EIF3A: variants seen among roughly 807,000 people sequenced by gnomAD.
The protein encoded by EIF3A is eukaryotic translation initiation factor 3 subunit A.
A neutral mutation model predicts 186.6 loss-of-function variants in EIF3A; 21 were observed. The observed-to-expected ratio is 0.11, with a 90% CI of 0.08 to 0.16. The LOEUF (loss-of-function observed/expected upper bound fraction) is 0.16. Ranked by LOEUF, EIF3A falls within the 10% of genes least tolerant of loss-of-function variation. The pLI, the probability that EIF3A is intolerant of heterozygous loss-of-function variation, is 1.00. For missense variants in EIF3A, 1,306 were observed against 1,796.3 expected (o/e 0.73, Z 4.93); for synonymous variants, 563 against 584.3 (o/e 0.96, Z 0.52).
intron 6 of EIF3A, among the ~76,000 whole-genome samples, chr10:119,065,858 T>C (rs1485711768): frequency 6.6e-6 from 1 of 152,214 alleles, no homozygotes; most frequent in Non-Finnish European, 1.5e-5. Flanking sequence ...GGCTCACGCC[T>C]GTAATCCCAG....
At chr10:119,049,651 C>CTG in intron 17 of EIF3A, 150 bp downstream of exon 17, 1 of 660,648 alleles carries the variant, frequency 1.5e-6, no homozygotes, top group Non-Finnish European at 2.6e-6. Context: ...ACTCAGGAGG[C>CTG]TGAGACACGA....
chr10:119,077,158 A>G lies in EIF3A; in HGVS notation c.50-3221T>C, dbSNP rs77463034. On this transcript the variant is annotated intron_variant, in intron 1 of 21. Transcript: ENST00000369144. Reference sequence around the variant, plus strand: ...ACTGAAACCATTTTTCACTTCCTGAACAGCCAATTAGAAGTTGATTCCTTA... The same window carrying G: ...ACTGAAACCATTTTTCACTTCCTGAGCAGCCAATTAGAAGTTGATTCCTTA... Among the ~76,000 whole-genome samples the G allele has an allele frequency of 7.6e-3, 1,159 of 152,254 alleles. 21 individuals carry two copies. Among genetic ancestry groups the G allele is most frequent in the African/African-American group, 0.027 (1,119 of 41,556 alleles).
intron 6 of EIF3A, among the ~76,000 whole-genome samples, chr10:119,067,730 CT>C (rs1844003769): frequency 6.6e-6 from 1 of 152,126 alleles, no homozygotes; most frequent in Non-Finnish European, 1.5e-5. Context: ...AGACAATTTG[CT>C]TTACATAATT....
At chr10:119,076,129 G>A (rs936891000) in intron 1 of EIF3A, among the ~76,000 whole-genome samples, 3 of 149,350 alleles carry the variant, frequency 2.0e-5, no homozygotes, top group East Asian at 2.0e-4. Flanking sequence ...TCAGGAGATC[G>A]AGACCATCCT....
At chr10:119,049,452 C>T (rs1359565352) in intron 17 of EIF3A, among the ~76,000 whole-genome samples, 1 of 144,594 alleles carries the variant, frequency 6.9e-6, no homozygotes, top group Non-Finnish European at 1.5e-5. Context: ...AGAGATCACA[C>T]CACTGCACTC....
intron 1 of EIF3A, 116 bp from the exon 2 acceptor site, chr10:119,074,053 CATTT>C (rs2119820435): frequency 1.1e-6 from 1 of 881,404 alleles, no homozygotes; most frequent in East Asian, 2.8e-5. Context: ...TACCAAGTTA[CATTT>C]ATTTTTGACT....
intron 6 of EIF3A, among the ~76,000 whole-genome samples, chr10:119,066,244 C>G (rs148536754): frequency 0.01 from 1,538 of 152,120 alleles, 11 homozygotes; most frequent in Non-Finnish European, 0.017. Flanking sequence ...CGCAGTGGCT[C>G]ACGCCTGTAA....
chr10:119,037,351 A>T, intron 20 of EIF3A, 42 bp from the exon 21 acceptor site: 1 of 1,550,404 alleles, frequency 6.4e-7, no homozygotes, highest in Non-Finnish European at 8.9e-7. Flanking sequence ...TTACTGTTAG[A>T]CCAAATGGAT....
intron 5 of EIF3A, 34 bp downstream of exon 5, chr10:119,070,852 T>C (rs1264425994): frequency 1.4e-6 from 2 of 1,479,426 alleles, no homozygotes; most frequent in Admixed American, 3.4e-5. Flanking sequence ...CAGACTATTA[T>C]TTCTAGGAAG....
At chr10:119,073,980 C>G (rs777664038) in intron 1 of EIF3A, 43 bp from the exon 2 acceptor site, 1 of 1,471,040 alleles carries the variant, frequency 6.8e-7, no homozygotes, top group Non-Finnish European at 9.1e-7. Flanking sequence ...GTACACTATA[C>G]AAGAGTCTAA....
chr10:119,051,880 C>A (rs1333991470), intron 14 of EIF3A, among the ~76,000 whole-genome samples: 2 of 152,072 alleles, frequency 1.3e-5, no homozygotes, highest in Non-Finnish European at 2.9e-5. Context: ...GAAAACAAAA[C>A]AAAAAATACT....
chr10:119,051,793 C>T (rs1271967593), intron 14 of EIF3A, among the ~76,000 whole-genome samples: 2 of 152,124 alleles, frequency 1.3e-5, no homozygotes, highest in East Asian at 1.9e-4. Context: ...TGCAGTAGTA[C>T]GCTGAGGCAA....
intron 15 of EIF3A, 118 bp from the exon 16 acceptor site, chr10:119,050,792 C>T: frequency 9.3e-7 from 1 of 1,071,146 alleles, no homozygotes; most frequent in Admixed American, 2.5e-5. Flanking sequence ...TCGAAAGCAA[C>T]CTCTCAGCAC....
In EIF3A at chr10:119,038,304, T is replaced by C; in HGVS notation, c.3662A>G (p.Lys1221Arg). The change falls in exon 20 of 22, where the codon AAG becomes AGG. Residue 1221 changes from lysine to arginine, a missense_variant. Transcript: ENST00000369144. ...RDNQDREEND[K>R]DPERERDRER... Reference sequence around the variant, plus strand: ...TCTGTCCCTTTCTCTCTCAGGGTCCTTGTCATTCTCCTCCCGATCTTGATT... The same window carrying C: ...TCTGTCCCTTTCTCTCTCAGGGTCCCTGTCATTCTCCTCCCGATCTTGATT... 2 of 1,614,146 alleles carry C rather than the reference T, an allele frequency of 1.2e-6. No individual in the cohort carries two copies. The highest frequency in any genetic ancestry group is 1.1e-5 in the South Asian group (1 of 91,078).
intron 14 of EIF3A, among the ~76,000 whole-genome samples, chr10:119,055,818 C>T (rs537825425): frequency 6.6e-6 from 1 of 152,148 alleles, no homozygotes; most frequent in African/African-American, 2.4e-5. Flanking sequence ...TCCTTAAAAA[C>T]ACCTGGAAAT....
At chr10:119,070,846 C>T (rs1193852271) in intron 5 of EIF3A, 40 bp downstream of exon 5, 1 of 1,403,914 alleles carries the variant, frequency 7.1e-7, no homozygotes, top group Non-Finnish European at 1.0e-6. Context: ...GTAACACAGA[C>T]TATTATTTCT....
chr10:119,060,100 C>G (rs1240031604), intron 9 of EIF3A: 1 of 512,740 alleles, frequency 2.0e-6, no homozygotes, highest in East Asian at 5.4e-5. Context: ...AGAAATAACA[C>G]TACTCACATA....
At chr10:119,057,842 G>A in intron 12 of EIF3A, 114 bp downstream of exon 12, 1 of 792,344 alleles carries the variant, frequency 1.3e-6, no homozygotes, top group Non-Finnish European at 2.0e-6. Context: ...ATGACCAGCT[G>A]TACCAAAATG....
chr10:119,042,431 C>T lies in EIF3A; in HGVS notation c.3089G>A (p.Arg1030Gln), dbSNP rs138563024. Reference protein sequence around the residue: ...RGLDEDRGSWRTADEDRGPRR... With the variant: ...RGLDEDRGSWQTADEDRGPRR... ...TGGTCCTCTGTCCTCATCAGCTGTT[C>T]GCCAGCTTCCTCTGTCCTCATCCAG... Residue 1030 changes from arginine (R) to glutamine (Q), a missense_variant, in exon 19 of 22, where the codon CGA (arginine) becomes CAA (glutamine). Transcript: ENST00000369144. This position sits in a 1 kb window ranked among gnomAD's most constrained non-coding sequence, Gnocchi z 7.8. The T allele has an allele frequency of 7.4e-6, 12 of 1,614,066 alleles. No homozygotes were observed. The highest frequency in any genetic ancestry group is 5.5e-5 in the South Asian group (5 of 91,086).
Sources: allele counts gnomAD v4.1 joint callset (sites outside exome capture counted in the v4.1 genomes callset), GRCh38; gene constraint gnomAD v4.1.1; non-coding constraint Gnocchi (gnomAD v3.1); transcripts MANE v1.5; gene names NCBI Gene and HGNC (gene_info 2026-07-23, HGNC 2026-07-21).